DLGAP2: variants seen among roughly 807,000 people sequenced by gnomAD.
DLGAP2 encodes disks large-associated protein 2.
Under a neutral mutation model 100.3 loss-of-function variants are expected in DLGAP2, and 26 were observed. The ratio of observed to expected loss-of-function variants is 0.26; its 90% CI spans 0.19 to 0.36. The LOEUF is 0.36. DLGAP2 is among the 10% of genes least tolerant of loss of function. DLGAP2 has a pLI of 1.00. For missense variants in DLGAP2, 1,858 were observed against 1,453.2 expected, an observed-to-expected ratio of 1.28 and a Z score of -4.53; for synonymous variants, 886 against 630.1, an observed-to-expected ratio of 1.41 and a Z score of -6.08.
intron 2 of DLGAP2, among the ~76,000 whole-genome samples, chr8:1,163,637 C>G (rs1796934948): frequency 6.6e-6 from 1 of 152,166 alleles, no homozygotes; most frequent in Non-Finnish European, 1.5e-5. Context: ...CCGGGAGAGG[C>G]TGCAGGCGGC....
intron 6 of DLGAP2, among the ~76,000 whole-genome samples, chr8:1,598,775 G>A (rs184708589): frequency 5.0e-4 from 76 of 151,884 alleles, no homozygotes; most frequent in Admixed American, 1.9e-3. Flanking sequence ...AATAGTCTGG[G>A]TAGTGGTCTA....
intron 1 of DLGAP2, among the ~76,000 whole-genome samples, chr8:841,254 A>G (rs1796978587): frequency 6.6e-6 from 1 of 152,170 alleles, no homozygotes; most frequent in Non-Finnish European, 1.5e-5. Context: ...TAAAACGGTT[A>G]TGATGAACTC....
chr8:1,100,042 C>G (rs183240900), intron 2 of DLGAP2, among the ~76,000 whole-genome samples: 19 of 152,354 alleles, frequency 1.2e-4, no homozygotes, highest in Admixed American at 1.2e-3. Context: ...GCACACTGTT[C>G]TTAGTAGTGT....
intron 2 of DLGAP2, among the ~76,000 whole-genome samples, chr8:1,205,691 G>A (rs1797974985): frequency 6.6e-6 from 1 of 152,210 alleles, no homozygotes; most frequent in African/African-American, 2.4e-5. Context: ...GGTGACCGGA[G>A]CACTGGGATT....
intron 1 of DLGAP2, among the ~76,000 whole-genome samples, chr8:850,771 G>A (rs924487262): frequency 6.6e-6 from 1 of 152,042 alleles, no homozygotes; most frequent in African/African-American, 2.4e-5. Context: ...CTGAAAGTAT[G>A]CCACAGTGTT....
intron 2 of DLGAP2, among the ~76,000 whole-genome samples, chr8:1,190,043 T>A (rs932268533): frequency 1.3e-5 from 2 of 152,168 alleles, no homozygotes; most frequent in Admixed American, 1.3e-4. Context: ...TCACTGAGAG[T>A]TGGCAGGCTA....
intron 3 of DLGAP2, among the ~76,000 whole-genome samples, chr8:1,302,896 T>A (rs1800393493): frequency 6.6e-6 from 1 of 152,236 alleles, no homozygotes; most frequent in African/African-American, 2.4e-5. Context: ...AACGTCTGGC[T>A]GTAACTCGCC....
chr8:782,181 T>A (rs1215103623), intron 1 of DLGAP2, among the ~76,000 whole-genome samples: 2 of 152,000 alleles, frequency 1.3e-5, no homozygotes. Context: ...CTCCCAGATA[T>A]GCACATTTAT....
At chr8:1,273,840 G>C (rs1264411323) in intron 3 of DLGAP2, among the ~76,000 whole-genome samples, 1 of 152,216 alleles carries the variant, frequency 6.6e-6, no homozygotes, top group African/African-American at 2.4e-5. Context: ...TGACATTGGT[G>C]TAGAATTCCA....
chr8:1,685,266 G>C (rs902188695), intron 12 of DLGAP2, among the ~76,000 whole-genome samples: 1 of 152,182 alleles, frequency 6.6e-6, no homozygotes, highest in African/African-American at 2.4e-5. Context: ...AGGATGACAT[G>C]GCCACAGAGA....
At chr8:1,279,393 T>A (rs1392012824) in intron 3 of DLGAP2, among the ~76,000 whole-genome samples, 1 of 152,242 alleles carries the variant, frequency 6.6e-6, no homozygotes, top group Non-Finnish European at 1.5e-5. Flanking sequence ...GATGTCTGTC[T>A]TAATTGATTT....
intron 1 of DLGAP2, among the ~76,000 whole-genome samples, chr8:770,320 G>A (rs1020118366): frequency 1.3e-5 from 2 of 152,124 alleles, no homozygotes; most frequent in Non-Finnish European, 2.9e-5. Context: ...CTCCTCCTCC[G>A]TGTCCTCCGC....
chr8:1,284,652 T>G (rs890268797), intron 3 of DLGAP2, among the ~76,000 whole-genome samples: 5 of 152,232 alleles, frequency 3.3e-5, no homozygotes, highest in African/African-American at 9.6e-5. Context: ...ATTATTATTT[T>G]GCTCTGTCAC....
chr8:1,060,630 G>A (rs188369001), intron 2 of DLGAP2, among the ~76,000 whole-genome samples: 13 of 152,306 alleles, frequency 8.5e-5, no homozygotes, highest in Middle Eastern at 3.4e-3. Context: ...CCTCATTCCC[G>A]AGTAAGATCA....
chr8:937,309 A>C (rs535450240), intron 2 of DLGAP2, among the ~76,000 whole-genome samples: 1 of 152,290 alleles, frequency 6.6e-6, no homozygotes, highest in East Asian at 1.9e-4. Context: ...TCACCATATT[A>C]AGATCAAAAC....
intron 2 of DLGAP2, among the ~76,000 whole-genome samples, chr8:1,072,959 T>C (rs1281783979): frequency 4.6e-5 from 7 of 152,222 alleles, no homozygotes; most frequent in Non-Finnish European, 1.5e-5. Flanking sequence ...AGTTCCTATG[T>C]GACACATTAG....
At chr8:1,331,879 C>T (rs893874039) in intron 3 of DLGAP2, among the ~76,000 whole-genome samples, 9 of 152,164 alleles carry the variant, frequency 5.9e-5, no homozygotes, top group Non-Finnish European at 2.9e-5. Flanking sequence ...TGCAACCTTC[C>T]CAGTAGAGCA....
chr8:1,070,257 TC>T (rs907174733), intron 2 of DLGAP2, among the ~76,000 whole-genome samples: 4 of 152,088 alleles, frequency 2.6e-5, no homozygotes, highest in African/African-American at 9.7e-5. Flanking sequence ...AGATCTTTTT[TC>T]ATGGCGTGGG....
At chr8:1,548,241 CCTG>C (rs1801608749) in intron 4 of DLGAP2, among the ~76,000 whole-genome samples, 1 of 152,074 alleles carries the variant, frequency 6.6e-6, no homozygotes, top group South Asian at 2.1e-4. Flanking sequence ...CAGTGGATCA[CCTG>C]AGGTCAGGAG....
Sources: allele counts gnomAD v4.1 joint callset (sites outside exome capture counted in the v4.1 genomes callset), GRCh38; gene constraint gnomAD v4.1.1; transcripts MANE v1.5; gene names NCBI Gene and HGNC (gene_info 2026-07-23, HGNC 2026-07-21).